The following PLEKHA7 variants were observed in gnomAD, a reference collection of about 807,000 sequenced individuals.
The protein encoded by PLEKHA7 is pleckstrin homology domain containing A7, also known as pleckstrin homology domain-containing family A member 7.
Under a neutral mutation model 170.0 loss-of-function variants are expected in PLEKHA7, and 104 were observed. The ratio of observed to expected loss-of-function variants is 0.61; its 90% CI spans 0.52 to 0.72. The LOEUF is 0.72. Among genes scored for constraint, PLEKHA7 ranks in the 30% least tolerant of loss-of-function variants. The pLI is 0.00. For missense variants in PLEKHA7, 1,615 were observed against 1,671.7 expected, an observed-to-expected ratio of 0.97 and a Z score of 0.59; for synonymous variants, 648 against 660.8, an observed-to-expected ratio of 0.98 and a Z score of 0.30.
At chr11:16,914,633 T>C (rs998551289) in intron 3 of PLEKHA7, among the ~76,000 whole-genome samples, 1 of 152,220 alleles carries the variant, frequency 6.6e-6, no homozygotes, top group Non-Finnish European at 1.5e-5. Context: ...TGTGGAATCC[T>C]GCAAAGAATT....
Position 17,014,391 on chromosome 11 carries a change from G to A in PLEKHA7, c.11C>T (p.Ala4Val). MAA[A>V]TVGRDTLPEH... ...AGGTAAAGTGTCCCGCCCGACCGTC[G>A]CCGCCGCCATGTTCGCCGAGCGCGG... The change falls in exon 1 of 27, where the codon GCG (alanine) becomes GTG (valine). Residue 4 changes from alanine to valine, a missense_variant. Physicochemically the swap from Ala to Val is moderately conservative, Grantham distance 64. Transcript: ENST00000531066. 1 of 1,355,738 alleles carries A rather than the reference G, an allele frequency of 7.4e-7. No individual in the cohort carries two copies. Among genetic ancestry groups the A allele is most frequent in the Non-Finnish European group, 9.6e-7 (1 of 1,043,948 alleles). The allele number at this position is 1,355,738 out of a possible 1,614,324, so 84.0% of individuals were successfully genotyped here.
At chr11:16,887,540 C>T (rs1266528876) in intron 3 of PLEKHA7, among the ~76,000 whole-genome samples, 5 of 152,174 alleles carry the variant, frequency 3.3e-5, no homozygotes, top group South Asian at 2.1e-4. Context: ...ATTGCAGGCG[C>T]GCACCACCAC....
chr11:17,013,961 T>C, intron 3 of PLEKHA7, 28 bp downstream of exon 3: 1 of 1,523,842 alleles, frequency 6.6e-7, no homozygotes, highest in Non-Finnish European at 8.8e-7. Flanking sequence ...GCGGCACAGG[T>C]GCGAGCGCGG....
At chr11:16,812,668 C>T (rs759332891) in intron 13 of PLEKHA7, among the ~76,000 whole-genome samples, 3 of 152,190 alleles carry the variant, frequency 2.0e-5, no homozygotes, top group Non-Finnish European at 2.9e-5. Context: ...TGGGAGACTA[C>T]CGGTGAGCCT....
Position 16,782,757 on chromosome 11 carries a change from C to A in PLEKHA7, c.3790G>T (p.Ala1264Ser). The change falls in exon 26 of 27, where the codon GCA (alanine) becomes TCA (serine). Residue 1264 changes from alanine (A) to serine (S), a missense_variant. Physicochemically the swap from Ala to Ser is moderately conservative, Grantham distance 99. Transcript: ENST00000531066. ...GGGGGCTGGGCCATGGCCTTACCTG[C>A]CACCTGCTTGCTACGCTGGGAGGCC... ...SEASQRSKQV[A>S]AQAVTDP 1 of 1,536,040 alleles carries A rather than the reference C, an allele frequency of 6.5e-7. No individual in the cohort carries two copies. The highest frequency in any genetic ancestry group is 1.2e-5 in the South Asian group (1 of 84,056).
intron 3 of PLEKHA7, among the ~76,000 whole-genome samples, chr11:16,926,244 C>G (rs1208454641): frequency 1.3e-5 from 2 of 152,236 alleles, no homozygotes; most frequent in Non-Finnish European, 2.9e-5. Context: ...CGAAGGAGAC[C>G]ATACCCTCTG....
intron 3 of PLEKHA7, among the ~76,000 whole-genome samples, chr11:16,991,453 C>T (rs547474790): frequency 4.6e-5 from 7 of 151,926 alleles, no homozygotes; most frequent in East Asian, 1.9e-4. Flanking sequence ...AAAGCAGCAC[C>T]GAGATAATAG....
At chr11:16,897,874 G>A (rs984848578) in intron 3 of PLEKHA7, among the ~76,000 whole-genome samples, 12 of 152,148 alleles carry the variant, frequency 7.9e-5, no homozygotes, top group African/African-American at 2.4e-4. Context: ...CCTCTCAGGG[G>A]ACAAGGAAAA....
chr11:16,898,428 G>C (rs1857128931), intron 3 of PLEKHA7, among the ~76,000 whole-genome samples: 1 of 152,150 alleles, frequency 6.6e-6, no homozygotes, highest in African/African-American at 2.4e-5. Flanking sequence ...AGCAGATCTG[G>C]ACTTGAATAC....
intron 3 of PLEKHA7, among the ~76,000 whole-genome samples, chr11:16,921,883 G>C (rs572230373): frequency 6.6e-5 from 10 of 152,220 alleles, no homozygotes; most frequent in African/African-American, 2.4e-4. Flanking sequence ...AAAAGGACTC[G>C]TCTAGAGTCA....
At chr11:16,821,782 A>G (rs1326899197) in intron 10 of PLEKHA7, among the ~76,000 whole-genome samples, 1 of 152,208 alleles carries the variant, frequency 6.6e-6, no homozygotes, top group East Asian at 1.9e-4. Flanking sequence ...ATAATCAGAG[A>G]CTGAGACACT....
chr11:17,012,015 GA>G (rs1334249151), intron 3 of PLEKHA7, among the ~76,000 whole-genome samples: 2 of 152,108 alleles, frequency 1.3e-5, no homozygotes, highest in African/African-American at 4.8e-5. Flanking sequence ...AACACAGCCT[GA>G]ATGTGACCAC....
At chr11:16,892,557 C>CA (rs1269206422) in intron 3 of PLEKHA7, among the ~76,000 whole-genome samples, 1 of 151,494 alleles carries the variant, frequency 6.6e-6, no homozygotes, top group Non-Finnish European at 1.5e-5. Flanking sequence ...GTGATCCTCC[C>CA]ACCTCAGCCT....
At chr11:16,833,386 T>C (rs1411135129) in intron 9 of PLEKHA7, among the ~76,000 whole-genome samples, 1 of 152,200 alleles carries the variant, frequency 6.6e-6, no homozygotes, top group African/African-American at 2.4e-5. Flanking sequence ...GGAAAAAAGC[T>C]ATTCCAGGCC....
intron 3 of PLEKHA7, among the ~76,000 whole-genome samples, chr11:16,965,703 T>C (rs1189224223): frequency 6.6e-6 from 1 of 152,240 alleles, no homozygotes; most frequent in African/African-American, 2.4e-5. Context: ...GGGTGAGTAG[T>C]GGCAACCCCA....
chr11:16,805,382 C>T (rs1221806899), intron 13 of PLEKHA7, among the ~76,000 whole-genome samples: 1 of 152,178 alleles, frequency 6.6e-6, no homozygotes, highest in Non-Finnish European at 1.5e-5. Flanking sequence ...TAAAAGTATG[C>T]CCTTTGCTGC....
At chr11:16,907,122 G>T (rs865994919) in intron 3 of PLEKHA7, among the ~76,000 whole-genome samples, 75 of 102,830 alleles carry the variant, frequency 7.3e-4, no homozygotes, top group South Asian at 2.3e-3. Flanking sequence ...GTGGGGGTCA[G>T]CCCCCCGCCC....
chr11:17,010,568 T>C (rs529505482), intron 3 of PLEKHA7, among the ~76,000 whole-genome samples: 23 of 152,292 alleles, frequency 1.5e-4, no homozygotes, highest in African/African-American at 5.5e-4. Flanking sequence ...ATTGCACCAC[T>C]GCACTCCAGA....
intron 3 of PLEKHA7, among the ~76,000 whole-genome samples, chr11:16,884,548 T>G (rs553069020): frequency 6.6e-6 from 1 of 152,050 alleles, no homozygotes; most frequent in Non-Finnish European, 1.5e-5. Flanking sequence ...GCCAGGAGAA[T>G]TGTTTGAACC....
Sources: allele counts gnomAD v4.1 joint callset (sites outside exome capture counted in the v4.1 genomes callset), GRCh38; gene constraint gnomAD v4.1.1; transcripts MANE v1.5; gene names NCBI Gene and HGNC (gene_info 2026-07-23, HGNC 2026-07-21).